SLC22A15: variants seen among roughly 807,000 people sequenced by gnomAD.
SLC22A15 encodes solute carrier family 22 member 15, also known as flipt 1.
Under a neutral mutation model 62.7 loss-of-function variants are expected in SLC22A15, and 45 were observed. That is an observed-to-expected ratio of 0.72 (90% CI 0.56 to 0.92). The LOEUF (loss-of-function observed/expected upper bound fraction) is 0.92. Among genes scored for constraint, SLC22A15 ranks in the 40% least tolerant of loss-of-function variants. The pLI is 0.00. For synonymous variants in SLC22A15, 264 were observed against 267.0 expected (o/e 0.99, Z 0.11); for missense variants, 622 against 665.6 (o/e 0.93, Z 0.72).
chr1:116,032,967 A>G (rs1657480232), intron 6 of SLC22A15, among the ~76,000 whole-genome samples: 1 of 152,156 alleles, frequency 6.6e-6, no homozygotes, highest in Non-Finnish European at 1.5e-5. Flanking sequence ...CAATGGATAA[A>G]CAAACAAACA....
chr1:115,988,481 A>T (rs1046271321), intron 1 of SLC22A15, among the ~76,000 whole-genome samples: 1 of 152,094 alleles, frequency 6.6e-6, no homozygotes. Flanking sequence ...GCCATCTTTG[A>T]CTTTCTATGA....
chr1:115,983,803 G>A (rs890810018), intron 1 of SLC22A15, among the ~76,000 whole-genome samples: 2 of 152,124 alleles, frequency 1.3e-5, no homozygotes, highest in African/African-American at 4.8e-5. Flanking sequence ...ACTGTGCCAC[G>A]CCAATGAGGT....
At chr1:116,041,475 A>G (rs747215647) in intron 8 of SLC22A15, among the ~76,000 whole-genome samples, 3 of 152,230 alleles carry the variant, frequency 2.0e-5, no homozygotes, top group Non-Finnish European at 2.9e-5. Context: ...ATATACATAT[A>G]AGAAATATTG....
chr1:115,999,800 G>T (rs1159411100), intron 2 of SLC22A15, among the ~76,000 whole-genome samples: 1 of 151,900 alleles, frequency 6.6e-6, no homozygotes, highest in East Asian at 1.9e-4. Context: ...CATCACATCT[G>T]GCCTATATTC....
intron 2 of SLC22A15, among the ~76,000 whole-genome samples, chr1:115,994,928 T>C (rs1655343961): frequency 1.3e-5 from 2 of 152,248 alleles, no homozygotes; most frequent in African/African-American, 4.8e-5. Flanking sequence ...CAATTCAGGA[T>C]CACACATGAC....
intron 8 of SLC22A15, among the ~76,000 whole-genome samples, chr1:116,040,854 C>G (rs1570761823): frequency 6.6e-6 from 1 of 152,172 alleles, no homozygotes; most frequent in Non-Finnish European, 1.5e-5. Flanking sequence ...GATTCTCCTG[C>G]CTTGGCCTCC....
intron 2 of SLC22A15, among the ~76,000 whole-genome samples, chr1:115,995,465 G>A (rs1028588922): frequency 6.6e-6 from 1 of 152,088 alleles, no homozygotes; most frequent in Non-Finnish European, 1.5e-5. Flanking sequence ...TGGCCAGGCT[G>A]GTCTCGAACT....
At chr1:116,014,549 G>A (rs76299089) in intron 2 of SLC22A15, among the ~76,000 whole-genome samples, 3,655 of 152,154 alleles carry the variant, frequency 0.024, 149 homozygotes, top group African/African-American at 0.084. Context: ...TAATATATGG[G>A]AAAAGAAAAG....
At chr1:115,993,724 A>G (rs748039455) in intron 2 of SLC22A15, among the ~76,000 whole-genome samples, 45 of 152,056 alleles carry the variant, frequency 3.0e-4, no homozygotes, top group African/African-American at 8.7e-4. Context: ...GAAACCTCCA[A>G]TGATTCTCCC....
At chr1:116,029,650 G>A (rs986587179) in intron 5 of SLC22A15, among the ~76,000 whole-genome samples, 1 of 152,128 alleles carries the variant, frequency 6.6e-6, no homozygotes, top group African/African-American at 2.4e-5. Flanking sequence ...GGTAGAAATA[G>A]TTTTATTAAC....
intron 2 of SLC22A15, among the ~76,000 whole-genome samples, chr1:115,995,683 T>C (rs1655387345): frequency 6.6e-6 from 1 of 152,246 alleles, no homozygotes; most frequent in Admixed American, 6.5e-5. Flanking sequence ...TATATATTTA[T>C]CAACCATATG....
intron 8 of SLC22A15, among the ~76,000 whole-genome samples, chr1:116,040,016 C>T (rs983792996): frequency 2.0e-5 from 3 of 152,150 alleles, no homozygotes; most frequent in Admixed American, 2.0e-4. Flanking sequence ...CTCACTTTTC[C>T]TTACCAAACA....
chr1:116,043,006 C>T (rs1657831214), intron 8 of SLC22A15, among the ~76,000 whole-genome samples: 1 of 152,080 alleles, frequency 6.6e-6, no homozygotes, highest in Non-Finnish European at 1.5e-5. Context: ...TAAAAATCAC[C>T]AACAGAAAGA....
intron 8 of SLC22A15, among the ~76,000 whole-genome samples, chr1:116,054,983 C>T (rs1475006738): frequency 2.0e-5 from 3 of 151,786 alleles, no homozygotes; most frequent in Non-Finnish European, 2.9e-5. Flanking sequence ...CCTAACATCA[C>T]AATTAAAAGA....
chr1:116,013,646 T>A (rs1470034208), intron 2 of SLC22A15, among the ~76,000 whole-genome samples: 1 of 152,210 alleles, frequency 6.6e-6, no homozygotes, highest in East Asian at 1.9e-4. Context: ...TTTAAAGCAA[T>A]ATTTTGTTTT....
chr1:116,059,960 G>C (rs1204447447), intron 8 of SLC22A15, among the ~76,000 whole-genome samples: 1 of 152,184 alleles, frequency 6.6e-6, no homozygotes, highest in Non-Finnish European at 1.5e-5. Context: ...AAGTATACAA[G>C]TGTTTTTTGA....
intron 1 of SLC22A15, among the ~76,000 whole-genome samples, chr1:115,990,332 G>T (rs150001762): frequency 6.6e-6 from 1 of 152,176 alleles, no homozygotes; most frequent in Non-Finnish European, 1.5e-5. Context: ...TCACTAGAAC[G>T]TGTGTTTCGA....
intron 2 of SLC22A15, among the ~76,000 whole-genome samples, chr1:115,998,110 C>G (rs1655514330): frequency 6.6e-6 from 1 of 152,140 alleles, no homozygotes; most frequent in Admixed American, 6.6e-5. Flanking sequence ...GTTGAACCAT[C>G]CTTGCATTCC....
chr1:116,000,804 G>GT (rs1242029983), intron 2 of SLC22A15, among the ~76,000 whole-genome samples: 3 of 151,396 alleles, frequency 2.0e-5, no homozygotes, highest in African/African-American at 7.3e-5. Context: ...CTAATTTTTT[G>GT]TATTTTTTTA....
Sources: allele counts gnomAD v4.1 joint callset (sites outside exome capture counted in the v4.1 genomes callset), GRCh38; gene constraint gnomAD v4.1.1; transcripts MANE v1.5; gene names NCBI Gene and HGNC (gene_info 2026-07-23, HGNC 2026-07-21).